The following RCAN1 variants were observed in gnomAD, a reference collection of about 807,000 sequenced individuals.
RCAN1 encodes the protein calcipressin-1.
A neutral mutation model predicts 22.9 loss-of-function variants in RCAN1; 11 were observed. That is an observed-to-expected ratio of 0.48 (90% CI 0.30 to 0.79). The LOEUF (loss-of-function observed/expected upper bound fraction) is 0.79, where lower values mean the gene tolerates loss of function less well. Ranked by LOEUF, RCAN1 falls within the 30% of genes least tolerant of loss-of-function variation. The pLI is 0.06. For missense variants in RCAN1, 291 were observed against 337.8 expected (o/e 0.86, Z 1.09); for synonymous variants, 136 against 142.3 (o/e 0.96, Z 0.32).
intron 1 of RCAN1, among the ~76,000 whole-genome samples, chr21:34,549,274 G>A (rs1986269583): frequency 6.6e-6 from 1 of 152,246 alleles, no homozygotes; most frequent in African/African-American, 2.4e-5. Flanking sequence ...ACTAGCCACA[G>A]CTGTGGCAGC....
chr21:34,559,387 A>G (rs143861070), intron 1 of RCAN1: 1 of 151,712 alleles, frequency 6.6e-6, no homozygotes, highest in African/African-American at 2.4e-5. Context: ...AATGAATCCA[A>G]TTACGTAGGC....
At chr21:34,597,104 GGCCTTTCTA>G (rs768621442) in intron 1 of RCAN1, among the ~76,000 whole-genome samples, 1 of 152,068 alleles carries the variant, frequency 6.6e-6, no homozygotes, top group African/African-American at 2.4e-5. Flanking sequence ...TGGCCACCAG[GGCCTTTCTA>G]GCATTCATAT....
At chr21:34,526,470 T>C (rs866027752) in intron 1 of RCAN1, among the ~76,000 whole-genome samples, 50 of 152,296 alleles carry the variant, frequency 3.3e-4, no homozygotes, top group African/African-American at 1.2e-3. Flanking sequence ...AATATTGAGA[T>C]CTTTAGAAAT....
At chr21:34,523,425 G>A (rs1034659131) in intron 2 of RCAN1, 112 bp downstream of exon 2, 2 of 1,002,552 alleles carry the variant, frequency 2.0e-6, no homozygotes, top group African/African-American at 3.3e-5. Flanking sequence ...TCTTTCTCAA[G>A]GTGAAGTCTC....
chr21:34,615,104 C>G lies in RCAN1; in HGVS notation c.-93G>C, dbSNP rs1000547680. 6.1e-6 allele frequency: 6 copies of G among 983,066 alleles called. No individual in the cohort carries two copies. The African/African-American group carries it at 1.1e-4, about 17-fold the overall frequency. 60.9% of individuals were successfully genotyped at this position (983,066 alleles called of 1,614,324 possible). A position where few individuals can be genotyped will look rare whatever the true frequency, so the allele number is the denominator to read the frequency against. On this transcript the variant is annotated 5_prime_UTR_variant, in exon 1 of 4. Transcript: ENST00000313806. ...GCTCCGGTCCGCGCCCGGCCGGCGG[C>G]TCCGCCGTTAACCCCCTCGGAATCG...
At chr21:34,604,482 TA>T (rs1384471490) in intron 1 of RCAN1, among the ~76,000 whole-genome samples, 1 of 152,104 alleles carries the variant, frequency 6.6e-6, no homozygotes, top group Non-Finnish European at 1.5e-5. Flanking sequence ...CTCAGATCAG[TA>T]CTGTATATGT....
At chr21:34,579,151 T>C (rs945638575) in intron 1 of RCAN1, among the ~76,000 whole-genome samples, 4 of 152,226 alleles carry the variant, frequency 2.6e-5, no homozygotes, top group African/African-American at 9.6e-5. Context: ...TCCTAGCACC[T>C]TGGGAGGCTG....
chr21:34,596,224 T>C (rs535617610), intron 1 of RCAN1, among the ~76,000 whole-genome samples: 34 of 152,262 alleles, frequency 2.2e-4, no homozygotes, highest in Non-Finnish European at 3.8e-4. Context: ...TGCCCGGCCT[T>C]CTTAACCTCT....
At chr21:34,530,728 G>A (rs9647068) in intron 1 of RCAN1, among the ~76,000 whole-genome samples, 73,707 of 148,558 alleles carry the variant, frequency 0.5, 19,907 homozygotes, top group African/African-American at 0.74. Context: ...GGGTTCAAGC[G>A]ATTCTCCTGC....
chr21:34,597,030 TCA>T (rs962753597), intron 1 of RCAN1, among the ~76,000 whole-genome samples: 1 of 152,134 alleles, frequency 6.6e-6, no homozygotes, highest in African/African-American at 2.4e-5. Context: ...GCTCCCAGTC[TCA>T]GTTTCGTCAT....
intron 1 of RCAN1, among the ~76,000 whole-genome samples, chr21:34,610,241 C>A (rs543177061): frequency 6.6e-6 from 1 of 152,338 alleles, no homozygotes; most frequent in South Asian, 2.1e-4. Context: ...CTTAGGTCCT[C>A]AAAACACTTC....
chr21:34,614,511 C>A lies in RCAN1; in HGVS notation c.252+249G>T. ...CTAGTCGCACCAGCCTGGGCGCACA[C>A]GGGGGCCGGGGCGAGCCTGTGGGAC... is the stretch of plus-strand genomic sequence containing the variant. On this transcript the variant is annotated intron_variant, in intron 1 of 3. Coordinates refer to ENST00000313806, the MANE Select transcript of RCAN1 (RefSeq NM_004414.7). This position sits in a 1 kb window ranked among gnomAD's most constrained non-coding sequence, Gnocchi z 6.0. The A allele has an allele frequency of 9.6e-7, 1 of 1,043,336 alleles. No homozygotes were observed. The highest frequency in any genetic ancestry group is 4.6e-5 in the South Asian group (1 of 21,762). 64.6% of individuals were successfully genotyped at this position (1,043,336 alleles called of 1,614,324 possible).
At chr21:34,519,640 G>A (rs1467454394) in intron 3 of RCAN1, among the ~76,000 whole-genome samples, 2 of 151,880 alleles carry the variant, frequency 1.3e-5, no homozygotes, top group Admixed American at 6.6e-5. Context: ...CTCGTGATCC[G>A]CCTGCCTCAG....
intron 1 of RCAN1, among the ~76,000 whole-genome samples, chr21:34,584,319 C>A (rs1241981825): frequency 6.6e-6 from 1 of 152,128 alleles, no homozygotes; most frequent in East Asian, 1.9e-4. Context: ...CAAACAACTT[C>A]AAAGCAAAAT....
At chr21:34,595,870 A>G (rs778603337) in intron 1 of RCAN1, among the ~76,000 whole-genome samples, 79 of 152,204 alleles carry the variant, frequency 5.2e-4, no homozygotes, top group Non-Finnish European at 3.2e-4. Flanking sequence ...CAGGGGTGGG[A>G]CATACGTGTG....
At position 34,525,025 on chromosome 21, in the gene RCAN1, C is replaced by G. The variant is rs1007195969; in HGVS notation, c.253-1315G>C. On this transcript the variant is annotated intron_variant, in intron 1 of 3. Coordinates refer to ENST00000313806, the MANE Select transcript of RCAN1 (RefSeq NM_004414.7). ...CGTGTGAAAGGCAGAAGGGGCTGGCCAGGAAGAAGGGGATGGCGCAGGGTG... is the reference window on the plus strand; with the variant it reads ...CGTGTGAAAGGCAGAAGGGGCTGGCGAGGAAGAAGGGGATGGCGCAGGGTG... 1.9e-6 allele frequency: 3 copies of G among 1,539,696 alleles called. No individual in the cohort carries two copies. In the Admixed American group the frequency reaches 5.9e-5, roughly 30 times the overall value.
Position 34,549,722 on chromosome 21 carries a change from G to A in RCAN1, c.253-26012C>T, listed in dbSNP as rs111611339. 9.2e-5 allele frequency among the ~76,000 whole-genome samples: 14 copies of A among 152,358 alleles called. 1 individual carries two copies. Among genetic ancestry groups the A allele is most frequent in the African/African-American group, 3.4e-4 (14 of 41,586 alleles). On this transcript the variant is annotated intron_variant, in intron 1 of 3. Transcript: ENST00000313806. The stretch of plus-strand genomic sequence containing the variant: ...CAGGAGGAGGTCAGCAGCCTCAATG[G>A]CTGATGTTCTGAAATATTTCTGAGC...
intron 1 of RCAN1, among the ~76,000 whole-genome samples, chr21:34,599,299 G>C (rs559957385): frequency 6.6e-6 from 1 of 152,190 alleles, no homozygotes; most frequent in African/African-American, 2.4e-5. Flanking sequence ...GAATCATCAG[G>C]GAGTCATCAA....
At chr21:34,611,106 T>A (rs886520130) in intron 1 of RCAN1, among the ~76,000 whole-genome samples, 1 of 152,242 alleles carries the variant, frequency 6.6e-6, no homozygotes, top group Non-Finnish European at 1.5e-5. Flanking sequence ...AACTCTTAAA[T>A]TCCTGGTCAG....
Sources: gnomAD v4.1 joint callset for allele counts (sites outside exome capture counted in the v4.1 genomes callset) on GRCh38, gnomAD v4.1.1 for gene constraint, Gnocchi (gnomAD v3.1) non-coding constraint, MANE v1.5 for transcripts, NCBI Gene and HGNC (gene_info 2026-07-23, HGNC 2026-07-21) for gene names.